UNK: variants seen among roughly 807,000 people sequenced by gnomAD.
UNK encodes unk zinc finger.
Under a neutral mutation model 97.6 loss-of-function variants are expected in UNK, and 32 were observed. That is an observed-to-expected ratio of 0.33 (90% confidence interval 0.25 to 0.44). The LOEUF is 0.44. UNK is among the 20% of genes least tolerant of loss of function. The pLI is 1.00. For synonymous variants in UNK, 441 were observed against 461.2 expected (o/e 0.96, Z 0.56); for missense variants, 771 against 1,098.4 (o/e 0.70, Z 4.21).
chr17:75,803,168 G>T (rs2061878522), intron 1 of UNK, among the ~76,000 whole-genome samples: 1 of 152,042 alleles, frequency 6.6e-6, no homozygotes. Context: ...GGAGGCCAAG[G>T]CGGGCACATC....
At chr17:75,822,359 C>T in intron 13 of UNK, 118 bp from the exon 14 acceptor site, 1 of 1,255,516 alleles carries the variant, frequency 8.0e-7, no homozygotes, top group Non-Finnish European at 1.1e-6. Flanking sequence ...CTGACACTAG[C>T]TGGAGCCTTG....
chr17:75,785,797 A>C (rs2061704524), intron 1 of UNK: 1 of 152,208 alleles, frequency 6.6e-6, no homozygotes, highest in Admixed American at 6.5e-5. Flanking sequence ...GAGAAAGATG[A>C]ATAAGGGGCG....
rs1392648182 is a variant in UNK at position 75,817,652 on chromosome 17, C to T, written c.1305+126C>T. 5 of 1,029,956 alleles carry T rather than the reference C, an allele frequency of 4.9e-6. No individual in the cohort carries two copies. The highest frequency in any genetic ancestry group is 5.6e-6 in the Non-Finnish European group (4 of 719,388). 63.8% of individuals were successfully genotyped at this position (1,029,956 alleles called of 1,614,324 possible). A position where few individuals can be genotyped will look rare whatever the true frequency, so the allele number is the denominator to read the frequency against. On this transcript the variant is annotated intron_variant, in intron 9 of 15. Transcript: ENST00000589666. The surrounding 1 kb of genome is among the most constrained non-coding windows in gnomAD (Gnocchi z 5.8). Reference sequence around the variant, plus strand: ...GAGCTAGGACTCCACTGTCCTCGGCCTCTTCAGGACTGAACAGAGGGAGCA... The same window carrying T: ...GAGCTAGGACTCCACTGTCCTCGGCTTCTTCAGGACTGAACAGAGGGAGCA...
rs761061583 is a variant in UNK at position 75,818,366 on chromosome 17, G to T, written c.1371+198G>T. Among the ~76,000 whole-genome samples, 31 of 152,142 alleles carry T rather than the reference G, an allele frequency of 2.0e-4. No homozygotes were observed. Among genetic ancestry groups the T allele is most frequent in the Non-Finnish European group, 3.7e-4 (25 of 67,994 alleles). On this transcript the variant is annotated intron_variant, in intron 10 of 15. Transcript: ENST00000589666. The surrounding 1 kb of genome is among the most constrained non-coding windows in gnomAD (Gnocchi z 5.1). ...TCACCTCCTAGACTCAGTGGAGAAG[G>T]TGTTCCTGGAGCCTCTGCACTCTGC... is the stretch of plus-strand genomic sequence containing the variant.
intron 1 of UNK, among the ~76,000 whole-genome samples, chr17:75,789,392 A>G (rs1013627326): frequency 6.6e-6 from 1 of 151,644 alleles, no homozygotes; most frequent in African/African-American, 2.4e-5. Context: ...GCTGGAGTGC[A>G]GTGGCGCGAT....
At chr17:75,815,140 G>T in intron 6 of UNK, 29 bp from the exon 7 acceptor site, 2 of 1,605,812 alleles carry the variant, frequency 1.2e-6, no homozygotes, top group Non-Finnish European at 1.7e-6. Flanking sequence ...CAGGGCCTGA[G>T]CCTGACTTGC....
chr17:75,794,397 G>A (rs558034425), intron 1 of UNK, among the ~76,000 whole-genome samples: 72 of 152,272 alleles, frequency 4.7e-4, no homozygotes, highest in African/African-American at 1.6e-3. Flanking sequence ...AGCATTTTGG[G>A]AGGCTGAGGC....
chr17:75,786,982 C>CT (rs1348843886), intron 1 of UNK, among the ~76,000 whole-genome samples: 1 of 152,172 alleles, frequency 6.6e-6, no homozygotes, highest in Non-Finnish European at 1.5e-5. Context: ...AATAGCCAAG[C>CT]TTGATGGGAG....
At chr17:75,805,856 T>C (rs9908072) in intron 1 of UNK, among the ~76,000 whole-genome samples, 14,504 of 142,690 alleles carry the variant, frequency 0.1, 1,447 homozygotes, top group East Asian at 0.38. Context: ...ATAATATATA[T>C]GTATGTATTA....
chr17:75,817,400 C>T lies in UNK; in HGVS notation c.1179C>T (p.Pro393=). Residue 393 remains proline, a synonymous_variant, in exon 9 of 16, where the codon CCC becomes CCT. Transcript: ENST00000589666. The surrounding 1 kb of genome is among the most constrained non-coding windows in gnomAD (Gnocchi z 5.8). ...CGSPPGSIRK[P]PNLEGIVFPG... ...CCCCACCGGGCTCCATCAGGAAGCC[C>T]CCAAACCTGGAGGGCATCGTCTTCC... is the stretch of plus-strand genomic sequence containing the variant. 2 of 1,612,496 alleles carry T rather than the reference C, an allele frequency of 1.2e-6. No homozygotes were observed. The highest frequency in any genetic ancestry group is 1.7e-6 in the Non-Finnish European group (2 of 1,179,150).
Position 75,825,079 on chromosome 17 carries a change from AG to A in UNK, c.*665del, listed in dbSNP as rs2062106550. 1 of 152,214 alleles carries A rather than the reference AG, an allele frequency of 6.6e-6. No homozygotes were observed. 9.4% of individuals were successfully genotyped at this position (152,214 alleles called of 1,614,324 possible). On this transcript the variant is annotated 3_prime_UTR_variant, in exon 16 of 16. Coordinates refer to ENST00000589666, the MANE Select transcript of UNK (RefSeq NM_001080419.3). This position sits in a 1 kb window ranked among gnomAD's most constrained non-coding sequence, Gnocchi z 4.4. ...TAATTTAGTCTTGGGGAGAACAGCA[AG>A]GGCTGGAGGCCAGTGCTGCAGGGCC...
intron 4 of UNK, 29 bp from the exon 5 acceptor site, chr17:75,813,049 T>C: frequency 6.4e-7 from 1 of 1,565,886 alleles, no homozygotes; most frequent in Admixed American, 1.9e-5. Context: ...TCCTCTCACC[T>C]GACCCCTGCC....
intron 1 of UNK, 33 bp from the exon 2 acceptor site, chr17:75,809,727 C>G: frequency 1.9e-6 from 3 of 1,565,564 alleles, no homozygotes; most frequent in South Asian, 2.3e-5. Context: ...ATTCTCTGCT[C>G]CCGGCCTGCC....
At position 75,823,336 on chromosome 17, in the gene UNK, G is replaced by C. The variant is rs201010353; in HGVS notation, c.2091G>C (p.Glu697Asp). 1.3e-4 allele frequency: 203 copies of C among 1,611,488 alleles called. No homozygotes were observed. Among genetic ancestry groups the C allele is most frequent in the Non-Finnish European group, 2.7e-5 (32 of 1,179,128 alleles). The stretch of plus-strand genomic sequence containing the variant: ...CCAGTGCGGCGGGCGCCGAGTGCGA[G>C]CTGGCCCGGGAGCAGCGGGATGCAC... ...ERASAAGAECELAREQRDALE... is the reference protein window; with the variant it reads ...ERASAAGAECDLAREQRDALE... The change falls in exon 15 of 16, where the codon GAG becomes GAC. Residue 697 changes from glutamate to aspartate, a missense_variant. Glu to Asp is a conservative substitution (Grantham distance 45, BLOSUM62 2). Transcript: ENST00000589666.
intron 1 of UNK, among the ~76,000 whole-genome samples, chr17:75,789,965 A>G (rs2143670300): frequency 7.0e-6 from 1 of 143,776 alleles, no homozygotes; most frequent in East Asian, 2.1e-4. Flanking sequence ...ACGTGGTAAA[A>G]CCCCCGTCTC....
chr17:75,793,417 A>G, intron 1 of UNK: 1 of 985,374 alleles, frequency 1.0e-6, no homozygotes, highest in African/African-American at 1.7e-5. Flanking sequence ...AAATCCCTCA[A>G]CTTTCACCCC....
chr17:75,787,825 A>G (rs78785151), intron 1 of UNK, among the ~76,000 whole-genome samples: 1 of 145,304 alleles, frequency 6.9e-6, no homozygotes. Context: ...ACTCGGTCCA[A>G]AAAAAAAAAA....
intron 13 of UNK, 122 bp from the exon 14 acceptor site, chr17:75,822,355 C>G (rs566806250): frequency 8.1e-7 from 1 of 1,228,234 alleles, no homozygotes; most frequent in East Asian, 2.6e-5. Context: ...TGGCCTGACA[C>G]TAGCTGGAGC....
At chr17:75,814,206 G>A (rs1446605212) in intron 6 of UNK, among the ~76,000 whole-genome samples, 2 of 152,056 alleles carry the variant, frequency 1.3e-5, no homozygotes, top group Non-Finnish European at 2.9e-5. Flanking sequence ...GTGACATCAG[G>A]ATTGAAAAAA....
Sources: allele counts gnomAD v4.1 joint callset (sites outside exome capture counted in the v4.1 genomes callset), GRCh38; gene constraint gnomAD v4.1.1; non-coding constraint Gnocchi (gnomAD v3.1); transcripts MANE v1.5; gene names NCBI Gene and HGNC (gene_info 2026-07-23, HGNC 2026-07-21).